Variants in CDH1 observed in about 807,000 individuals in gnomAD.
CDH1 encodes the protein cadherin 1.
In CDH1, 35 loss-of-function variants were observed where a neutral mutation model predicts 84.5. That is an observed-to-expected ratio of 0.41 (90% CI 0.32 to 0.55). CDH1 has a LOEUF of 0.55. Ranked by LOEUF, CDH1 falls within the 20% of genes least tolerant of loss-of-function variation. The pLI is 0.19. For synonymous variants in CDH1, 417 were observed against 439.0 expected, an observed-to-expected ratio of 0.95 and a Z score of 0.63; for missense variants, 994 against 1,126.6, an observed-to-expected ratio of 0.88 and a Z score of 1.68.
intron 3 of CDH1, among the ~76,000 whole-genome samples, chr16:68,806,128 A>C (rs774527359): frequency 1.7e-4 from 5 of 29,040 alleles, no homozygotes; most frequent in South Asian, 1.6e-3. Flanking sequence ...TTGTATATTT[A>C]TTTATTTATT....
rs1235781417 is a variant in CDH1, at chr16:68,806,399, C to T, written c.388-2025C>T. Among the ~76,000 whole-genome samples, 4 of 152,060 alleles carry T rather than the reference C, an allele frequency of 2.6e-5. No individual in the cohort carries two copies. In the East Asian group the frequency reaches 5.8e-4, roughly 22 times the overall value. The stretch of plus-strand genomic sequence containing the variant: ...TCCTGACCTCAAGTGATCTGCCTGC[C>T]TTAGCCTCCCAAAGTGCTGGGATTA... On this transcript the variant is annotated intron_variant, in intron 3 of 15. Transcript: ENST00000261769.
intron 8 of CDH1, 42 bp downstream of exon 8, chr16:68,812,305 T>C: frequency 6.2e-7 from 1 of 1,609,228 alleles, no homozygotes. Context: ...AGAAAGGTCT[T>C]TTGTTGTTCA....
chr16:68,810,075 T>TG, intron 5 of CDH1, 122 bp from the exon 6 acceptor site: 2 of 966,474 alleles, frequency 2.1e-6, no homozygotes, highest in East Asian at 4.8e-5. Flanking sequence ...AGTCACCCAC[T>TG]GGGGGTCTCA....
At chr16:68,808,917 C>T (rs2152130423) in intron 5 of CDH1, 69 bp downstream of exon 5, 3 of 1,469,476 alleles carry the variant, frequency 2.0e-6, no homozygotes, top group Admixed American at 3.4e-5. Flanking sequence ...TCAACCCATG[C>T]TGGATCCGCA....
chr16:68,833,791 AGC>A lies in CDH1; in HGVS notation c.*293_*294del, dbSNP rs1961562221. On this transcript the variant is annotated 3_prime_UTR_variant, in exon 16 of 16. Transcript: ENST00000261769. The stretch of plus-strand genomic sequence containing the variant: ...TTTAATATTCCAGAAGAACAACTTT[AGC>A]ATCAGAAGGTTCACCCAGCACCTTG... The A allele has an allele frequency of 2.2e-6, 1 of 460,264 alleles. No individual in the cohort carries two copies. The highest frequency in any genetic ancestry group is 4.0e-6 in the Non-Finnish European group (1 of 251,440). 28.5% of individuals were successfully genotyped at this position (460,264 alleles called of 1,614,324 possible). A position where few individuals can be genotyped will look rare whatever the true frequency, so the allele number is the denominator to read the frequency against.
chr16:68,831,345 C>T (rs558751766), intron 15 of CDH1, among the ~76,000 whole-genome samples: 15 of 151,280 alleles, frequency 9.9e-5, no homozygotes, highest in Non-Finnish European at 2.1e-4. Flanking sequence ...CTGCCTTGGC[C>T]TCCCAAAGTG....
intron 5 of CDH1, chr16:68,809,111 C>T (rs1012492989): frequency 3.9e-6 from 2 of 506,948 alleles, no homozygotes; most frequent in Non-Finnish European, 7.2e-6. Flanking sequence ...AAGATGTCAA[C>T]CTGTTCTTGG....
chr16:68,775,028 A>G (rs575356166), intron 2 of CDH1, among the ~76,000 whole-genome samples: 22 of 151,112 alleles, frequency 1.5e-4, no homozygotes, highest in African/African-American at 5.4e-4. Context: ...CAGAAGGCTG[A>G]GGTGGGAGGA....
At chr16:68,753,853 C>G (rs1383207487) in intron 2 of CDH1, among the ~76,000 whole-genome samples, 1 of 151,896 alleles carries the variant, frequency 6.6e-6, no homozygotes, top group African/African-American at 2.4e-5. Context: ...GGCACGGTGG[C>G]CGACTGTAAT....
chr16:68,743,359 C>CTTTTTT (rs373698881), intron 2 of CDH1, among the ~76,000 whole-genome samples: 1 of 55,572 alleles, frequency 1.8e-5, no homozygotes, highest in African/African-American at 7.3e-5. Context: ...TTCTTTCTTT[C>CTTTTTT]TTTCTTTTCT....
At position 68,808,545 on chromosome 16, in the gene CDH1, C is replaced by T. The variant is rs2152129802; in HGVS notation, c.509C>T (p.Pro170Leu). 1 of 1,614,170 alleles carries T rather than the reference C, an allele frequency of 6.2e-7. No homozygotes were observed. Among genetic ancestry groups the T allele is most frequent in the African/African-American group, 1.3e-5 (1 of 75,038 alleles). ...PISCPENEKG[P>L]FPKNLVQIKS... The stretch of plus-strand genomic sequence containing the variant: ...AGCTGCCCAGAAAATGAAAAAGGCC[C>T]ATTTCCTAAAAACCTGGTTCAGGTA... The change falls in exon 4 of 16, where the codon CCA becomes CTA. Residue 170 changes from proline (P) to leucine (L), a missense_variant. Physicochemically the swap from Pro to Leu is moderately conservative, Grantham distance 98. This residue lies in a region of CDH1 where 22 missense variants were observed against 50.8 expected (regional missense o/e 0.43). Transcript: ENST00000261769.
Position 68,801,923 on chromosome 16 carries a change from T to C in CDH1, c.387+30T>C, listed in dbSNP as rs748093099. 4.4e-6 allele frequency: 7 copies of C among 1,576,052 alleles called. No individual in the cohort carries two copies. The highest frequency in any genetic ancestry group is 2.7e-5 in the African/African-American group (2 of 74,142). The stretch of plus-strand genomic sequence containing the variant: ...GTTGGCATTTTTCTGAGAAGTTCGC[T>C]GTTGTTTTAGTGCGCTGTCTAATCC... On this transcript the variant is annotated intron_variant, in intron 3 of 15. Transcript: ENST00000261769.
At chr16:68,738,810 G>A (rs1372538867) in intron 2 of CDH1, among the ~76,000 whole-genome samples, 1 of 151,988 alleles carries the variant, frequency 6.6e-6, no homozygotes, top group Non-Finnish European at 1.5e-5. Context: ...CTTGCTCAGG[G>A]TCAGCAGAGC....
intron 2 of CDH1, among the ~76,000 whole-genome samples, chr16:68,800,543 G>C (rs951642616): frequency 1.3e-5 from 2 of 152,218 alleles, no homozygotes; most frequent in African/African-American, 4.8e-5. Flanking sequence ...GTCTAGCCTT[G>C]TAAGATAGGA....
At chr16:68,746,440 A>G (rs1400098754) in intron 2 of CDH1, among the ~76,000 whole-genome samples, 3 of 151,934 alleles carry the variant, frequency 2.0e-5, no homozygotes, top group African/African-American at 7.3e-5. Flanking sequence ...AAATAAAATA[A>G]ATAAGCAAGC....
At chr16:68,795,374 A>G (rs990731104) in intron 2 of CDH1, among the ~76,000 whole-genome samples, 1 of 152,110 alleles carries the variant, frequency 6.6e-6, no homozygotes, top group African/African-American at 2.4e-5. Context: ...GGGTCTTACT[A>G]TGTTGCCCAG....
At chr16:68,753,500 G>A (rs965924691) in intron 2 of CDH1, among the ~76,000 whole-genome samples, 11 of 151,656 alleles carry the variant, frequency 7.3e-5, no homozygotes, top group African/African-American at 2.2e-4. Context: ...CACCATGCCC[G>A]GCTAATTTTT....
At chr16:68,821,210 C>T (rs549059072) in intron 11 of CDH1, among the ~76,000 whole-genome samples, 9 of 152,094 alleles carry the variant, frequency 5.9e-5, no homozygotes, top group South Asian at 2.1e-4. Context: ...CAGTGGCTCA[C>T]GCCTATAATC....
Position 68,755,282 on chromosome 16 carries a change from C to CAAAAAAAAAAAAAAA in CDH1, c.163+16879_163+16893dup, listed in dbSNP as rs1188775959. Among the ~76,000 whole-genome samples, 54 of 96,016 alleles carry CAAAAAAAAAAAAAAA rather than the reference C, an allele frequency of 5.6e-4. 1 individual carries two copies. Among genetic ancestry groups the CAAAAAAAAAAAAAAA allele is most frequent in the African/African-American group, 1.7e-3 (46 of 26,608 alleles). The allele number at this position is 96,016 out of a possible 152,430, so 63.0% of individuals were successfully genotyped here. A position where few individuals can be genotyped will look rare whatever the true frequency, so the allele number is the denominator to read the frequency against. ...TGGGTGACAGGGCAAGACTCTGTCTCAAAAAAAAAAAAAAAAAAAAAATAG... is the reference window on the plus strand; with the variant it reads ...TGGGTGACAGGGCAAGACTCTGTCTCAAAAAAAAAAAAAAAAAAAAAAAAAAAAAAAAAAAAATAG... On this transcript the variant is annotated intron_variant, in intron 2 of 15. Transcript: ENST00000261769.
Sources: gnomAD v4.1 joint callset for allele counts (sites outside exome capture counted in the v4.1 genomes callset) on GRCh38, gnomAD v4.1.1 for gene constraint, gnomAD v4.1.1 regional missense constraint, MANE v1.5 for transcripts, NCBI Gene and HGNC (gene_info 2026-07-23, HGNC 2026-07-21) for gene names.